FAM153A: variants seen among roughly 807,000 people sequenced by gnomAD.
FAM153A encodes the protein family with sequence similarity 153 member A.
FAM153A carries 12 observed loss-of-function variants against 48.1 expected under a neutral mutation model. That is an observed-to-expected ratio of 0.25 (90% CI 0.16 to 0.40). FAM153A has a LOEUF of 0.40. FAM153A is among the 10% of genes least tolerant of loss of function. The probability of loss-of-function intolerance (pLI) is 1.00; values close to 1 mark genes in which losing one functional copy is unlikely to be tolerated. For synonymous variants in FAM153A, 36 were observed against 118.2 expected, an observed-to-expected ratio of 0.30 and a Z score of 4.51; for missense variants, 111 against 345.8, an observed-to-expected ratio of 0.32 and a Z score of 5.38.
At chr5:177,746,567 C>A (rs1222956926) in intron 4 of FAM153A, among the ~76,000 whole-genome samples, 2 of 151,394 alleles carry the variant, frequency 1.3e-5, no homozygotes, top group East Asian at 1.9e-4. Context: ...AAGACTAAAC[C>A]AAGATTTGAA....
At chr5:177,694,801 A>G in the FAM153A span, among the ~76,000 whole-genome samples, 1 of 139,842 alleles carries the variant, frequency 7.2e-6, no homozygotes, top group Non-Finnish European at 1.5e-5. Flanking sequence ...AGGAAAACTT[A>G]TAGCTTATCT....
chr5:177,737,207 A>G, intron 10 of FAM153A, 95 bp from the exon 13 acceptor site: 1 of 1,564,444 alleles, frequency 6.4e-7, no homozygotes, highest in Non-Finnish European at 8.7e-7. Context: ...GTGTGTGGAA[A>G]GGTGTGTTCA....
At chr5:177,716,466 TTC>T (rs1759812566) in intron 24 of FAM153A, 2 of 151,852 alleles carry the variant, frequency 1.3e-5, no homozygotes, top group South Asian at 2.1e-4. Context: ...ACACAAGTAT[TTC>T]TGTCATTTTC....
At chr5:177,710,566 A>G (rs943742294), downstream of FAM153A, among the ~76,000 whole-genome samples, 1 of 150,804 alleles carries the variant, frequency 6.6e-6, no homozygotes, top group African/African-American at 2.5e-5. Context: ...GATTGCCAAC[A>G]TTGCAGCTCC....
the FAM153A span, among the ~76,000 whole-genome samples, chr5:177,699,013 C>T: frequency 5.3e-5 from 8 of 151,568 alleles, no homozygotes; most frequent in African/African-American, 1.7e-4. Flanking sequence ...ATTCCCTAGG[C>T]TGGTCTCGAA....
At chr5:177,754,065 G>T, upstream of FAM153A, among the ~76,000 whole-genome samples, 1 of 151,874 alleles carries the variant, frequency 6.6e-6, no homozygotes, top group East Asian at 1.9e-4. Context: ...AGTGCAAAGG[G>T]TCAGGGAATT....
intron 25 of FAM153A, among the ~76,000 whole-genome samples, chr5:177,716,010 A>G (rs1759693857): frequency 7.0e-6 from 1 of 143,624 alleles, no homozygotes; most frequent in South Asian, 2.2e-4. Flanking sequence ...TTTCAGATGG[A>G]GTCTTGCTCT....
At chr5:177,712,241 G>A (rs1582132962) in exon 27 of FAM153A, 1 of 152,020 alleles carries the variant, frequency 6.6e-6, no homozygotes, top group East Asian at 1.9e-4. Flanking sequence ...GGAGGCCAAG[G>A]TGGGCAGATC....
chr5:177,710,515 G>T (rs1444093340), downstream of FAM153A, among the ~76,000 whole-genome samples: 1 of 151,620 alleles, frequency 6.6e-6, no homozygotes, highest in East Asian at 1.9e-4. Flanking sequence ...TGGGCCAGTA[G>T]GATTTTATGC....
the FAM153A span, among the ~76,000 whole-genome samples, chr5:177,702,936 G>T: frequency 1.3e-5 from 2 of 152,028 alleles, no homozygotes; most frequent in African/African-American, 4.8e-5. Context: ...CTCCATGAAG[G>T]CTCTGCCCCA....
At chr5:177,697,767 T>C in the FAM153A span, among the ~76,000 whole-genome samples, 1 of 151,796 alleles carries the variant, frequency 6.6e-6, no homozygotes, top group African/African-American at 2.4e-5. Context: ...GTACCTTCTT[T>C]TGACAAGATC....
chr5:177,699,191 C>T, the FAM153A span, among the ~76,000 whole-genome samples: 933 of 151,736 alleles, frequency 6.1e-3, 8 homozygotes, highest in Non-Finnish European at 6.5e-3. Context: ...AATACTACTA[C>T]ATTACTTAGA....
At chr5:177,748,866 A>G (rs1766421697) in intron 2 of FAM153A, among the ~76,000 whole-genome samples, 167 bp from the exon 5 acceptor site, 1 of 134,458 alleles carries the variant, frequency 7.4e-6, no homozygotes, top group Non-Finnish European at 1.6e-5. Flanking sequence ...AAGGCAAATG[A>G]GACCATCAGG....
At chr5:177,737,353 C>A (rs1272858743) in intron 10 of FAM153A, among the ~76,000 whole-genome samples, 3 of 151,460 alleles carry the variant, frequency 2.0e-5, no homozygotes, top group Non-Finnish European at 4.4e-5. Flanking sequence ...GATGAAGTAA[C>A]CCATCTCAAA....
chr5:177,761,599 C>G (rs1162717694), intron 1 of FAM153A, among the ~76,000 whole-genome samples: 60 of 129,436 alleles, frequency 4.6e-4, no homozygotes, highest in Admixed American at 1.1e-3. Context: ...AAATGGCCTG[C>G]CCACTTTTGC....
chr5:177,772,379 TG>T lies in FAM153A; in HGVS notation c.-57+8069del, dbSNP rs1480104689. 3.0e-5 allele frequency among the ~76,000 whole-genome samples: 2 copies of T among 65,656 alleles called. 1 individual carries two copies. The highest frequency in any genetic ancestry group is 9.5e-4 in the East Asian group (2 of 2,114). The allele number at this position is 65,656 out of a possible 152,430, so 43.1% of individuals were successfully genotyped here. ...CATCTCACTAGGGAGTGCCAGACAG[TG>T]GGCGCAGGCCAGTGTGTGTGCGCAC... On this transcript the variant is annotated intron_variant, in intron 1 of 8. Transcript: ENST00000393518.
chr5:177,703,563 A>G (rs539696150), downstream of FAM153A, among the ~76,000 whole-genome samples: 88 of 148,310 alleles, frequency 5.9e-4, no homozygotes, highest in African/African-American at 2.1e-3. Context: ...AGGACCTGAC[A>G]TTGGGGACTG....
rs1197349276 is a variant in FAM153A at position 177,778,634 on chromosome 5, G to A, written c.-57+1815C>T. On this transcript the variant is annotated intron_variant, in intron 1 of 8. Coordinates refer to the FAM153A transcript ENST00000393518. ...ACCTTAAAAGGAAAATTAGCCAAGT[G>A]TGGTGGGGCATGCCTGTAGTCCCAG... Among the ~76,000 whole-genome samples, 2 of 94,124 alleles carry A rather than the reference G, an allele frequency of 2.1e-5. 1 individual carries two copies. The highest frequency in any genetic ancestry group is 6.3e-4 in the East Asian group (2 of 3,154). 61.7% of individuals were successfully genotyped at this position (94,124 alleles called of 152,430 possible). A position where few individuals can be genotyped will look rare whatever the true frequency, so the allele number is the denominator to read the frequency against.
At chr5:177,754,135 C>A (rs1037235195), upstream of FAM153A, among the ~76,000 whole-genome samples, 1 of 151,830 alleles carries the variant, frequency 6.6e-6, no homozygotes, top group Non-Finnish European at 1.5e-5. Context: ...GTCACTCCCA[C>A]CCTAATACTG....
Sources: gnomAD v4.1 joint callset for allele counts (sites outside exome capture counted in the v4.1 genomes callset) on GRCh38, gnomAD v4.1.1 for gene constraint, MANE v1.5 for transcripts, NCBI Gene and HGNC (gene_info 2026-07-23, HGNC 2026-07-21) for gene names.